ADAM10: variants seen among roughly 807,000 people sequenced by gnomAD.
The protein encoded by ADAM10 is ADAM metallopeptidase domain 10.
Under a neutral mutation model 90.1 loss-of-function variants are expected in ADAM10, and 17 were observed. The ratio of observed to expected loss-of-function variants is 0.19; its 90% CI spans 0.13 to 0.28. ADAM10 has a LOEUF of 0.28. Ranked by LOEUF, ADAM10 falls within the 10% of genes least tolerant of loss-of-function variation. ADAM10 has a pLI of 1.00. For missense variants in ADAM10, 610 were observed against 914.3 expected (o/e 0.67, Z 4.29); for synonymous variants, 310 against 298.6 (o/e 1.04, Z -0.40).
chr15:58,728,899 T>C (rs1899128941), intron 1 of ADAM10, among the ~76,000 whole-genome samples: 1 of 152,108 alleles, frequency 6.6e-6, no homozygotes, highest in African/African-American at 2.4e-5. Context: ...TAGTAAGAGA[T>C]GGGGAAATAA....
intron 1 of ADAM10, among the ~76,000 whole-genome samples, chr15:58,731,033 C>T (rs557086551): frequency 1.1e-3 from 165 of 152,262 alleles, no homozygotes; most frequent in African/African-American, 3.8e-3. Flanking sequence ...ATCGTGTAAG[C>T]CAATTCCCCT....
intron 2 of ADAM10, among the ~76,000 whole-genome samples, chr15:58,696,534 C>T (rs540169363): frequency 1.1e-3 from 173 of 150,616 alleles, no homozygotes; most frequent in African/African-American, 3.9e-3. Context: ...GCAGCGATCT[C>T]GGCTCACCGC....
At chr15:58,698,359 C>A in intron 2 of ADAM10, 1 of 418,228 alleles carries the variant, frequency 2.4e-6, no homozygotes, top group Non-Finnish European at 4.7e-6. Context: ...ATCGTTTCAA[C>A]CCAGGAGTTT....
chr15:58,675,316 T>A (rs1364069782), intron 4 of ADAM10, among the ~76,000 whole-genome samples: 3 of 152,226 alleles, frequency 2.0e-5, no homozygotes, highest in Non-Finnish European at 2.9e-5. Context: ...ATATATTTTT[T>A]AATTTGGAGA....
intron 9 of ADAM10, among the ~76,000 whole-genome samples, chr15:58,632,347 G>A (rs1896126520): frequency 6.6e-6 from 1 of 152,166 alleles, no homozygotes; most frequent in Admixed American, 6.5e-5. Flanking sequence ...AGGATAGATA[G>A]AGTTCCTTTA....
chr15:58,707,064 T>C (rs148756086), intron 2 of ADAM10, among the ~76,000 whole-genome samples: 418 of 98,876 alleles, frequency 4.2e-3, no homozygotes, highest in African/African-American at 0.016. Flanking sequence ...GAAAAGAAAT[T>C]CTAGGGCTAT....
At chr15:58,645,380 G>A (rs1005656365) in intron 6 of ADAM10, among the ~76,000 whole-genome samples, 6 of 151,982 alleles carry the variant, frequency 3.9e-5, no homozygotes, top group African/African-American at 7.3e-5. Flanking sequence ...TTCTCCTTTG[G>A]TTTCATTCTT....
chr15:58,600,504 T>A (rs56063727), intron 14 of ADAM10, among the ~76,000 whole-genome samples: 4 of 152,078 alleles, frequency 2.6e-5, no homozygotes, highest in Admixed American at 1.3e-4. Context: ...ATATAATATC[T>A]TTATTGTATT....
At chr15:58,641,700 C>G (rs977788614) in intron 7 of ADAM10, among the ~76,000 whole-genome samples, 6 of 152,302 alleles carry the variant, frequency 3.9e-5, no homozygotes, top group African/African-American at 1.2e-4. Flanking sequence ...TATTTATTAG[C>G]CCCTGCATCC....
At chr15:58,734,871 C>T (rs138978561) in intron 1 of ADAM10, among the ~76,000 whole-genome samples, 30 of 152,144 alleles carry the variant, frequency 2.0e-4, no homozygotes, top group African/African-American at 7.2e-4. Flanking sequence ...TATACATATA[C>T]CCTTGATTTC....
chr15:58,634,993 G>A (rs1896209031), intron 8 of ADAM10, among the ~76,000 whole-genome samples: 1 of 151,660 alleles, frequency 6.6e-6, no homozygotes, highest in African/African-American at 2.4e-5. Context: ...ATAAATATAT[G>A]GCAACAAAAT....
intron 5 of ADAM10, among the ~76,000 whole-genome samples, chr15:58,654,219 T>C (rs1470955560): frequency 6.6e-6 from 1 of 152,196 alleles, no homozygotes; most frequent in Non-Finnish European, 1.5e-5. Flanking sequence ...TTATCTTTAT[T>C]ATTATTTCTT....
chr15:58,690,344 T>C (rs1441655856), intron 2 of ADAM10, among the ~76,000 whole-genome samples: 1 of 152,184 alleles, frequency 6.6e-6, no homozygotes, highest in Non-Finnish European at 1.5e-5. Context: ...ATATTCACAC[T>C]TGCCACTTTT....
chr15:58,598,616 C>T (rs193288761), intron 15 of ADAM10, among the ~76,000 whole-genome samples: 89 of 152,290 alleles, frequency 5.8e-4, no homozygotes, highest in African/African-American at 1.7e-3. Context: ...CTGAGAGCGG[C>T]AGGAGAGGGA....
At chr15:58,719,963 CCTT>C (rs1285248625) in intron 1 of ADAM10, among the ~76,000 whole-genome samples, 3 of 152,142 alleles carry the variant, frequency 2.0e-5, no homozygotes, top group African/African-American at 7.2e-5. Flanking sequence ...CCCCCTTCCT[CCTT>C]TTCTTCCTTC....
rs375906200 is a variant in ADAM10 at position 58,621,527 on chromosome 15, G to C, written c.1455C>G (p.Phe485Leu). 6.2e-7 allele frequency: 1 copy of C among 1,614,022 alleles called. No homozygotes were observed. Among genetic ancestry groups the C allele is most frequent in the Non-Finnish European group, 8.5e-7 (1 of 1,180,006 alleles). ...YSDQCKDECC[F>L]DANQPEGRKC... is the part of the protein sequence containing the mutation. ...TTCTTCCCTCTGGTTGATTTGCATC[G>C]AAGCAGCATTCATCTTTACACTGGT... The change falls in exon 11 of 16, where the codon TTC becomes TTG. Residue 485 changes from phenylalanine (F) to leucine (L), a missense_variant. Physicochemically the swap from Phe to Leu is conservative, Grantham distance 22. Transcript: ENST00000260408.
At chr15:58,727,595 G>A (rs1442927711) in intron 1 of ADAM10, among the ~76,000 whole-genome samples, 2 of 152,080 alleles carry the variant, frequency 1.3e-5, no homozygotes, top group Non-Finnish European at 2.9e-5. Flanking sequence ...GCCTCCCGAA[G>A]TTCTGGGATT....
chr15:58,632,430 A>T (rs948012394), intron 9 of ADAM10, among the ~76,000 whole-genome samples: 5 of 152,246 alleles, frequency 3.3e-5, no homozygotes, highest in Admixed American at 2.0e-4. Flanking sequence ...GCTCTGAATT[A>T]GGGGTTGACA....
intron 1 of ADAM10, among the ~76,000 whole-genome samples, chr15:58,725,838 G>A (rs919681617): frequency 2.6e-5 from 4 of 152,220 alleles, no homozygotes; most frequent in Non-Finnish European, 4.4e-5. Context: ...TTTCACAAAT[G>A]AAGGTGAGAA....
Sources: gnomAD v4.1 joint callset for allele counts (sites outside exome capture counted in the v4.1 genomes callset) on GRCh38, gnomAD v4.1.1 for gene constraint, MANE v1.5 for transcripts, NCBI Gene and HGNC (gene_info 2026-07-23, HGNC 2026-07-21) for gene names.